Variants in GABPB2 observed in about 807,000 individuals in gnomAD.
GABPB2 encodes the protein GA binding protein transcription factor subunit beta 2.
A neutral mutation model predicts 39.1 loss-of-function variants in GABPB2; 23 were observed. The ratio of observed to expected loss-of-function variants is 0.59; its 90% CI spans 0.42 to 0.83. The LOEUF (loss-of-function observed/expected upper bound fraction) is 0.83. Among genes scored for constraint, GABPB2 ranks in the 40% least tolerant of loss-of-function variants. The probability of loss-of-function intolerance (pLI) is 0.00; values close to 1 mark genes in which losing one functional copy is unlikely to be tolerated. For missense variants in GABPB2, 467 were observed against 541.1 expected (o/e 0.86, Z 1.36); for synonymous variants, 184 against 199.3 (o/e 0.92, Z 0.65).
At chr1:151,072,826 A>T (rs898602506) in intron 1 of GABPB2, among the ~76,000 whole-genome samples, 3 of 152,284 alleles carry the variant, frequency 2.0e-5, no homozygotes, top group African/African-American at 4.8e-5. Flanking sequence ...CAGCTTGGGC[A>T]ACAGGAGCAA....
rs2101582600 is a variant in GABPB2, at chr1:151,119,966, A to C, written c.*1710A>C. 1 of 152,012 alleles carries C rather than the reference A, an allele frequency of 6.6e-6. No homozygotes were observed. The highest frequency in any genetic ancestry group is 2.4e-5 in the African/African-American group (1 of 41,422). 9.4% of individuals were successfully genotyped at this position (152,012 alleles called of 1,614,324 possible). On this transcript the variant is annotated 3_prime_UTR_variant, in exon 9 of 9. Coordinates refer to ENST00000368918, the MANE Select transcript of GABPB2 (RefSeq NM_144618.3). ...TTGAAATAGAGTTTTTAAAAACTGAACTGGAAAGCCGAGGCGAGCGGATCA... is the reference window on the plus strand; with the variant it reads ...TTGAAATAGAGTTTTTAAAAACTGACCTGGAAAGCCGAGGCGAGCGGATCA...
rs1252000188 is a variant in GABPB2, at chr1:151,121,744, C to G, written c.*3488C>G. On this transcript the variant is annotated 3_prime_UTR_variant, in exon 9 of 9. Transcript: ENST00000368918. ...TGAGCCACTGCGCCTGACCACCTACCTGCTGGGTTTTCTTTGTATGTCAGC... is the reference window on the plus strand; with the variant it reads ...TGAGCCACTGCGCCTGACCACCTACGTGCTGGGTTTTCTTTGTATGTCAGC... 1 of 152,134 alleles carries G rather than the reference C, an allele frequency of 6.6e-6. No individual in the cohort carries two copies. Among genetic ancestry groups the G allele is most frequent in the Non-Finnish European group, 1.5e-5 (1 of 68,044 alleles). The allele number at this position is 152,134 out of a possible 1,614,324, so 9.4% of individuals were successfully genotyped here. A position where few individuals can be genotyped will look rare whatever the true frequency, so the allele number is the denominator to read the frequency against.
At chr1:151,104,801 C>CTTTCTTTCTTTCTTT in intron 6 of GABPB2, among the ~76,000 whole-genome samples, 1 of 19,268 alleles carries the variant, frequency 5.2e-5, no homozygotes, top group Admixed American at 7.4e-4. Flanking sequence ...TTCTTTCTTT[C>CTTTCTTTCTTTCTTT]TTTTCTTTCT....
chr1:151,099,069 A>C (rs1571946726), intron 5 of GABPB2, among the ~76,000 whole-genome samples: 1 of 130,960 alleles, frequency 7.6e-6, no homozygotes, highest in Non-Finnish European at 1.6e-5. Flanking sequence ...GGGCAACAAG[A>C]GTGAAACTTC....
intron 1 of GABPB2, among the ~76,000 whole-genome samples, chr1:151,081,608 A>T (rs1677702898): frequency 6.6e-6 from 1 of 152,216 alleles, no homozygotes; most frequent in African/African-American, 2.4e-5. Flanking sequence ...CTTCTGGCTT[A>T]ATAGAAGACA....
At chr1:151,106,858 GTTT>G (rs1380530054) in intron 6 of GABPB2, among the ~76,000 whole-genome samples, 176 bp from the exon 7 acceptor site, 1 of 151,922 alleles carries the variant, frequency 6.6e-6, no homozygotes, top group African/African-American at 2.4e-5. Context: ...AATGCATTCT[GTTT>G]TCTTTTCTCC....
intron 1 of GABPB2, among the ~76,000 whole-genome samples, chr1:151,075,379 A>G (rs1677077539): frequency 6.6e-6 from 1 of 151,994 alleles, no homozygotes; most frequent in Non-Finnish European, 1.5e-5. Context: ...CCTGGCTAAC[A>G]TGGTGAAACC....
intron 5 of GABPB2, among the ~76,000 whole-genome samples, chr1:151,100,129 A>C (rs1203755642): frequency 2.6e-5 from 4 of 151,292 alleles, no homozygotes; most frequent in African/African-American, 7.3e-5. Context: ...GTTCAGTCAC[A>C]CTGATTAAAA....
Position 151,118,116 on chromosome 1 carries a change from AC to A in GABPB2, c.1209del (p.Met404TrpfsTer8). On this transcript the variant is annotated frameshift_variant, in exon 9 of 9. Transcript: ENST00000368918. LOFTEE classifies it low-confidence loss of function (END_TRUNC). ...ARQQPNGVDF[T>X]MVEEVAEVDA... The stretch of plus-strand genomic sequence containing the variant: ...ACAGCAGCCCAATGGAGTTGATTTC[AC>A]CATGGTTGAAGAGGTGGCTGAGGTA... 6.2e-7 allele frequency: 1 copy of A among 1,614,162 alleles called. No individual in the cohort carries two copies. The highest frequency in any genetic ancestry group is 1.1e-5 in the South Asian group (1 of 91,076).
At chr1:151,087,749 A>AAT (rs1678326592) in intron 1 of GABPB2, among the ~76,000 whole-genome samples, 1 of 152,170 alleles carries the variant, frequency 6.6e-6, no homozygotes, top group Non-Finnish European at 1.5e-5. Flanking sequence ...GTTAGTTGCT[A>AAT]ATAAGGGCTC....
intron 1 of GABPB2, among the ~76,000 whole-genome samples, chr1:151,083,950 A>C (rs1429200758): frequency 1.3e-5 from 2 of 150,752 alleles, no homozygotes; most frequent in Non-Finnish European, 3.0e-5. Flanking sequence ...TATCTTGGAC[A>C]TGCTGGTCTT....
intron 4 of GABPB2, among the ~76,000 whole-genome samples, 200 bp downstream of exon 4, chr1:151,093,586 G>A (rs895941198): frequency 3.4e-5 from 5 of 149,164 alleles, no homozygotes; most frequent in South Asian, 2.1e-4. Context: ...ATATGTATAC[G>A]CATATATATT....
Position 151,107,212 on chromosome 1 carries a change from T to A in GABPB2, c.912T>A (p.Asp304Glu). The change falls in exon 7 of 9, where the codon GAT becomes GAA. Residue 304 changes from aspartate (D) to glutamate (E), a missense_variant. Asp to Glu is a conservative substitution (Grantham distance 45). Coordinates refer to ENST00000368918, the MANE Select transcript of GABPB2 (RefSeq NM_144618.3). Reference sequence around the variant, plus strand: ...AGCCATTTATTGTAACTGTGCAAGATGGACAGCAAGGTGAGTTATCTCTTG... The same window carrying A: ...AGCCATTTATTGTAACTGTGCAAGAAGGACAGCAAGGTGAGTTATCTCTTG... ...IGQPFIVTVQ[D>E]GQQVLTVPAG... is the part of the protein sequence containing the mutation. 1 of 1,582,082 alleles carries A rather than the reference T, an allele frequency of 6.3e-7. No individual in the cohort carries two copies. Among genetic ancestry groups the A allele is most frequent in the Non-Finnish European group, 8.6e-7 (1 of 1,166,604 alleles).
rs34351787 is a variant in GABPB2, at chr1:151,091,465, CAAAAAAAAAAAAAAAA to C, written c.276+906_276+921del. 3.1e-3 allele frequency among the ~76,000 whole-genome samples: 227 copies of C among 73,458 alleles called. 4 individuals carry two copies. Among genetic ancestry groups the C allele is most frequent in the South Asian group, 6.2e-3 (11 of 1,772 alleles). The allele number at this position is 73,458 out of a possible 152,430, so 48.2% of individuals were successfully genotyped here. ...GGTGCGGTGGCTCACTCCTGTGTCT[CAAAAAAAAAAAAAAAA>C]AAAAAAAAAAAAAGATGAAGTCTCG... On this transcript the variant is annotated intron_variant, in intron 3 of 8. Transcript: ENST00000368918.
chr1:151,115,318 A>G (rs370357586), intron 7 of GABPB2, among the ~76,000 whole-genome samples: 1 of 151,850 alleles, frequency 6.6e-6, no homozygotes, highest in Non-Finnish European at 1.5e-5. Context: ...AGATCGCGCC[A>G]TTGCACTCCA....
intron 1 of GABPB2, among the ~76,000 whole-genome samples, chr1:151,083,311 CA>C (rs1209808570): frequency 6.6e-6 from 1 of 152,140 alleles, no homozygotes; most frequent in Non-Finnish European, 1.5e-5. Flanking sequence ...CTTGAAAGCT[CA>C]AATTGTAATT....
intron 1 of GABPB2, among the ~76,000 whole-genome samples, chr1:151,085,600 C>T (rs970620449): frequency 3.9e-5 from 6 of 152,008 alleles, no homozygotes; most frequent in Admixed American, 2.6e-4. Flanking sequence ...GCCACCACAC[C>T]TGGCTAATAT....
At chr1:151,076,650 G>A (rs903594217) in intron 1 of GABPB2, among the ~76,000 whole-genome samples, 1 of 151,810 alleles carries the variant, frequency 6.6e-6, no homozygotes, top group East Asian at 1.9e-4. Context: ...GGCTGGTCTC[G>A]AACACCTGAC....
rs1184064341 is a variant in GABPB2, at chr1:151,125,135, A to C, written c.*6879A>C. On this transcript the variant is annotated 3_prime_UTR_variant, in exon 9 of 9. Coordinates refer to ENST00000368918, the MANE Select transcript of GABPB2 (RefSeq NM_144618.3). ...CTGAGGTGGTTTGTTTCTGAAAGTT[A>C]ATCTAGGTCACCTTCTATATCCTGT... 1 of 152,094 alleles carries C rather than the reference A, an allele frequency of 6.6e-6. No individual in the cohort carries two copies. The highest frequency in any genetic ancestry group is 1.9e-4 in the East Asian group (1 of 5,194). 9.4% of individuals were successfully genotyped at this position (152,094 alleles called of 1,614,324 possible).
Sources: allele counts gnomAD v4.1 joint callset (sites outside exome capture counted in the v4.1 genomes callset), GRCh38; gene constraint gnomAD v4.1.1; transcripts MANE v1.5; gene names NCBI Gene and HGNC (gene_info 2026-07-23, HGNC 2026-07-21).